Variants in C4orf50 observed in about 807,000 individuals in gnomAD.
C4orf50 encodes the protein uncharacterized protein C4orf50.
C4orf50 carries 80 observed loss-of-function variants against 77.2 expected under a neutral mutation model. That is an observed-to-expected ratio of 1.04 (90% confidence interval 0.87 to 1.25). The LOEUF (loss-of-function observed/expected upper bound fraction) is 1.25. C4orf50 is among the 50% of genes most tolerant of loss of function. The probability of loss-of-function intolerance (pLI) is 0.00; values close to 1 mark genes in which losing one functional copy is unlikely to be tolerated. For synonymous variants in C4orf50, 532 were observed against 465.3 expected, an observed-to-expected ratio of 1.14 and a Z score of -1.84; for missense variants, 1,257 against 1,152.9, an observed-to-expected ratio of 1.09 and a Z score of -1.31.
chr4:5,904,235 G>T (rs1327475873), intron 7 of C4orf50: 1 of 152,270 alleles, frequency 6.6e-6, no homozygotes, highest in Non-Finnish European at 1.5e-5. Flanking sequence ...AGTGTAAGCG[G>T]GCCTCACAGC....
intron 31 of C4orf50, among the ~76,000 whole-genome samples, chr4:5,971,106 G>A (rs115863428): frequency 0.025 from 3,778 of 152,288 alleles, 70 homozygotes; most frequent in Non-Finnish European, 0.031. Context: ...CCACCGCCTG[G>A]CTGAAGTTCC....
rs917712094 is a variant in C4orf50 at position 5,989,277 on chromosome 4, C to A, written c.2769G>T (p.Arg923Ser). 5.9e-6 allele frequency: 9 copies of A among 1,535,894 alleles called. No homozygotes were observed. In the Admixed American group the frequency reaches 1.4e-4, roughly 23 times the overall value. ...CAGAAATGAGCTGATGAAACCTGCT[C>A]CTCACTCTCTCGAGGGCACCCCAGG... Residue 923 changes from arginine (R) to serine (S), a missense_variant, in exon 28 of 34, where the codon AGG becomes AGT. By Grantham distance (110) the Arg-to-Ser change is moderately radical. Transcript: ENST00000531445.
At chr4:5,994,360 T>G (rs1395881598) in exon 26 of C4orf50, 5 of 399,138 alleles carry the variant, frequency 1.3e-5, no homozygotes, top group Non-Finnish European at 1.3e-5. Context: ...CTGGGGCCCT[T>G]TGTCTGGGTG....
At chr4:5,968,776 T>C (rs1269023210) in intron 31 of C4orf50, among the ~76,000 whole-genome samples, 1 of 152,186 alleles carries the variant, frequency 6.6e-6, no homozygotes, top group Non-Finnish European at 1.5e-5. Context: ...TGTCTCCTCA[T>C]TAGACAGAGG....
At chr4:5,978,723 G>C in intron 29 of C4orf50, among the ~76,000 whole-genome samples, 1 of 152,146 alleles carries the variant, frequency 6.6e-6, no homozygotes, top group Admixed American at 6.5e-5. Context: ...GCCACCTTTG[G>C]AGCCAGTAGT....
intron 29 of C4orf50, among the ~76,000 whole-genome samples, chr4:5,979,725 T>G (rs1186381296): frequency 1.3e-5 from 2 of 152,220 alleles, no homozygotes; most frequent in Non-Finnish European, 2.9e-5. Flanking sequence ...AAAACTATAG[T>G]GTCATGTCAC....
intron 26 of C4orf50, among the ~76,000 whole-genome samples, chr4:5,993,398 T>C (rs1721402726): frequency 3.3e-5 from 5 of 152,166 alleles, no homozygotes; most frequent in Admixed American, 3.3e-4. Flanking sequence ...TGGAGGATAA[T>C]ACCATCCCTA....
chr4:5,966,610 C>T (rs965718279), intron 32 of C4orf50, among the ~76,000 whole-genome samples: 1 of 151,212 alleles, frequency 6.6e-6, no homozygotes, highest in Non-Finnish European at 1.5e-5. Flanking sequence ...CAGATGTGCA[C>T]ATCGAATTAT....
At chr4:5,939,186 T>C (rs1359540379) in intron 7 of C4orf50, among the ~76,000 whole-genome samples, 1 of 151,972 alleles carries the variant, frequency 6.6e-6, no homozygotes, top group Admixed American at 6.6e-5. Flanking sequence ...GAGGTTGCAG[T>C]GAGCCGAGAT....
In C4orf50 at chr4:5,907,231, T is replaced by C. The variant is rs369321547; in HGVS notation, c.*2475-9043A>G. ...TTTCCCTACATTATACATGATAACA[T>C]ATAGATACTGCATTCACCAATAAGT... On this transcript the variant is annotated intron_variant, in intron 7 of 7. Transcript: ENST00000324058. Among the ~76,000 whole-genome samples, 4 of 152,302 alleles carry C rather than the reference T, an allele frequency of 2.6e-5. No homozygotes were observed. In the East Asian group the frequency reaches 7.7e-4, roughly 29 times the overall value.
At chr4:5,904,507 C>A (rs543805683) in intron 7 of C4orf50, 2 of 152,246 alleles carry the variant, frequency 1.3e-5, no homozygotes, top group African/African-American at 4.8e-5. Flanking sequence ...TCAGTAGGAA[C>A]TCAGCCACTG....
chr4:5,913,796 C>A (rs1156812357), intron 7 of C4orf50, among the ~76,000 whole-genome samples: 2 of 152,178 alleles, frequency 1.3e-5, no homozygotes, highest in Admixed American at 1.3e-4. Context: ...GCATTGTCTG[C>A]TTTTAATTTA....
At chr4:5,978,303 A>G (rs1038093986) in intron 29 of C4orf50, among the ~76,000 whole-genome samples, 9 of 152,214 alleles carry the variant, frequency 5.9e-5, no homozygotes, top group Non-Finnish European at 1.0e-4. Context: ...CAAAAATTTC[A>G]TCATAAAACT....
intron 7 of C4orf50, among the ~76,000 whole-genome samples, chr4:5,930,655 C>T (rs756652639): frequency 5.9e-5 from 9 of 152,220 alleles, no homozygotes; most frequent in South Asian, 2.1e-4. Context: ...GGGCCCCGCC[C>T]GCCCTGGGTG....
intron 7 of C4orf50, among the ~76,000 whole-genome samples, chr4:5,945,512 C>T (rs574755130): frequency 2.6e-4 from 40 of 152,274 alleles, no homozygotes; most frequent in African/African-American, 8.7e-4. Flanking sequence ...ACCTGCAGAT[C>T]GGAGACCCAC....
chr4:5,975,663 C>G (rs965014648), intron 30 of C4orf50, among the ~76,000 whole-genome samples: 6 of 152,036 alleles, frequency 3.9e-5, no homozygotes, highest in Admixed American at 2.0e-4. Context: ...TAGACGCATG[C>G]CATCACGCCT....
exon 34 of C4orf50, chr4:5,959,412 G>C: frequency 6.2e-7 from 1 of 1,614,216 alleles, no homozygotes; most frequent in Non-Finnish European, 8.5e-7. Flanking sequence ...ATGGACCTGG[G>C]AATTGCTGCA....
intron 25 of C4orf50, 52 bp from the exon 4 acceptor site, chr4:5,994,528 G>A (rs1426955798): frequency 1.0e-5 from 4 of 399,076 alleles, no homozygotes; most frequent in Non-Finnish European, 1.3e-5. Context: ...GCTGAAGTGT[G>A]TACTCCAAGC....
At position 5,992,609 on chromosome 4, in the gene C4orf50, A is replaced by C. The variant is rs1721350326; in HGVS notation, c.1221+194T>G. 2.1e-5 allele frequency among the ~76,000 whole-genome samples: 3 copies of C among 144,638 alleles called. No individual in the cohort carries two copies. Among genetic ancestry groups the C allele is most frequent in the Admixed American group, 6.9e-5 (1 of 14,582 alleles). The allele number at this position is 144,638 out of a possible 152,430, so 94.9% of individuals were successfully genotyped here. On this transcript the variant is annotated intron_variant, in intron 27 of 33. Coordinates refer to ENST00000531445, the Ensembl canonical transcript of C4orf50. This position sits in a 1 kb window ranked among gnomAD's most constrained non-coding sequence, Gnocchi z 5.0. Reference sequence around the variant, plus strand: ...CACCCAGTTAACCCCCTTCCTCCCCACCCCCCATCCAGGTCTCAGGATGTT... The same window carrying C: ...CACCCAGTTAACCCCCTTCCTCCCCCCCCCCCATCCAGGTCTCAGGATGTT...
Sources: gnomAD v4.1 joint callset for allele counts (sites outside exome capture counted in the v4.1 genomes callset) on GRCh38, gnomAD v4.1.1 for gene constraint, Gnocchi (gnomAD v3.1) non-coding constraint, MANE v1.5 for transcripts, NCBI Gene and HGNC (gene_info 2026-07-23, HGNC 2026-07-21) for gene names.